The following MYO1D variants were observed in gnomAD, a reference collection of about 807,000 sequenced individuals.
MYO1D encodes the protein unconventional myosin-Id.
MYO1D carries 83 observed loss-of-function variants against 122.0 expected under a neutral mutation model. That is an observed-to-expected ratio of 0.68 (90% CI 0.57 to 0.82). MYO1D has a LOEUF of 0.82. MYO1D is among the 40% of genes least tolerant of loss of function. The pLI is 0.00. For synonymous variants in MYO1D, 464 were observed against 446.9 expected (o/e 1.04, Z -0.48); for missense variants, 1,157 against 1,269.5 (o/e 0.91, Z 1.35).
chr17:32,769,381 G>A (rs1016840967), intron 6 of MYO1D, among the ~76,000 whole-genome samples: 4 of 152,134 alleles, frequency 2.6e-5, no homozygotes, highest in Admixed American at 2.6e-4. Flanking sequence ...TTAAGGCAAT[G>A]AACTAACTAA....
At position 32,494,675 on chromosome 17, in the gene MYO1D, C is replaced by T. The variant is rs1050960876; in HGVS notation, c.*84G>A. On this transcript the variant is annotated 3_prime_UTR_variant, in exon 22 of 22. Coordinates refer to ENST00000318217, the MANE Select transcript of MYO1D (RefSeq NM_015194.3). ...AGGGGCCCTCGCAGCAGGTTTCTAGCGGGCATGGGTTGGGAGGCAGCAGCT... is the reference window on the plus strand; with the variant it reads ...AGGGGCCCTCGCAGCAGGTTTCTAGTGGGCATGGGTTGGGAGGCAGCAGCT... 7 of 1,430,090 alleles carry T rather than the reference C, an allele frequency of 4.9e-6. No homozygotes were observed. The highest frequency in any genetic ancestry group is 2.5e-5 in the East Asian group (1 of 39,782). 88.6% of individuals were successfully genotyped at this position (1,430,090 alleles called of 1,614,324 possible). A position where few individuals can be genotyped will look rare whatever the true frequency, so the allele number is the denominator to read the frequency against.
chr17:32,707,608 C>T (rs1035494048), intron 16 of MYO1D, among the ~76,000 whole-genome samples: 3 of 152,202 alleles, frequency 2.0e-5, no homozygotes, highest in African/African-American at 7.2e-5. Flanking sequence ...GACTACTATG[C>T]TTACAGTGGT....
intron 1 of MYO1D, among the ~76,000 whole-genome samples, chr17:32,875,780 T>C (rs192412603): frequency 2.0e-5 from 3 of 152,316 alleles, no homozygotes; most frequent in Admixed American, 2.0e-4. Flanking sequence ...TTTCACTTTA[T>C]AAGCTTAAGG....
intron 21 of MYO1D, among the ~76,000 whole-genome samples, chr17:32,582,181 C>T (rs1481786043): frequency 6.6e-6 from 1 of 152,164 alleles, no homozygotes; most frequent in Non-Finnish European, 1.5e-5. Flanking sequence ...TCCCAGATTG[C>T]TGGGATTACA....
At chr17:32,504,379 C>G (rs550994961) in intron 21 of MYO1D, among the ~76,000 whole-genome samples, 5 of 152,328 alleles carry the variant, frequency 3.3e-5, no homozygotes, top group Middle Eastern at 3.4e-3. Context: ...TCATGGAGCG[C>G]CCAGGGTGGA....
At chr17:32,534,166 AAATT>A (rs1417282408) in intron 21 of MYO1D, among the ~76,000 whole-genome samples, 2 of 152,158 alleles carry the variant, frequency 1.3e-5, no homozygotes, top group Non-Finnish European at 2.9e-5. Flanking sequence ...TACATTTTTA[AAATT>A]AATTAATTAA....
intron 21 of MYO1D, chr17:32,518,953 A>C (rs1170848950): frequency 1.3e-5 from 2 of 152,186 alleles, no homozygotes; most frequent in Non-Finnish European, 2.9e-5. Flanking sequence ...CGGGTAGGGG[A>C]TGTGCGCCCC....
chr17:32,563,514 G>A (rs2087146090), intron 21 of MYO1D, among the ~76,000 whole-genome samples: 1 of 152,170 alleles, frequency 6.6e-6, no homozygotes, highest in South Asian at 2.1e-4. Flanking sequence ...ACCGCACCCA[G>A]CCTGCAATTA....
chr17:32,738,136 A>T lies in MYO1D; in HGVS notation c.1746+117T>A. On this transcript the variant is annotated intron_variant, in intron 14 of 21. Transcript: ENST00000318217. ...AAAATTCTATTATAACATTCACTTT[A>T]TACATATTCTTCAATCTACATGATT... 5 of 877,670 alleles carry T rather than the reference A, an allele frequency of 5.7e-6. 1 individual carries two copies. In the South Asian group the frequency reaches 1.3e-4, roughly 23 times the overall value. The allele number at this position is 877,670 out of a possible 1,614,324, so 54.4% of individuals were successfully genotyped here. A position where few individuals can be genotyped will look rare whatever the true frequency, so the allele number is the denominator to read the frequency against.
intron 16 of MYO1D, among the ~76,000 whole-genome samples, chr17:32,682,788 G>A (rs1310477820): frequency 4.2e-5 from 5 of 119,816 alleles, no homozygotes; most frequent in Non-Finnish European, 5.1e-5. Context: ...GAATCTGAAC[G>A]TTGGCCTGCC....
At chr17:32,804,374 A>G (rs1598112447) in intron 1 of MYO1D, among the ~76,000 whole-genome samples, 1 of 152,226 alleles carries the variant, frequency 6.6e-6, no homozygotes, top group Non-Finnish European at 1.5e-5. Context: ...AACACTAACT[A>G]GTATGACTAG....
intron 1 of MYO1D, among the ~76,000 whole-genome samples, chr17:32,785,765 G>A (rs758454047): frequency 3.3e-5 from 5 of 152,048 alleles, no homozygotes; most frequent in Non-Finnish European, 5.9e-5. Flanking sequence ...TTCCTTCTCA[G>A]TCTCCTTTGC....
At chr17:32,557,187 C>T (rs1463419750) in intron 21 of MYO1D, among the ~76,000 whole-genome samples, 4 of 151,002 alleles carry the variant, frequency 2.6e-5, no homozygotes, top group East Asian at 3.9e-4. Context: ...GGCGTGATCT[C>T]GGCTCACTGC....
At chr17:32,832,231 T>C (rs2090777592) in intron 1 of MYO1D, among the ~76,000 whole-genome samples, 1 of 151,706 alleles carries the variant, frequency 6.6e-6, no homozygotes, top group Non-Finnish European at 1.5e-5. Context: ...CTCAGCTCCC[T>C]TGACTCCACT....
intron 17 of MYO1D, 70 bp from the exon 18 acceptor site, chr17:32,654,691 T>A: frequency 7.1e-7 from 1 of 1,410,676 alleles, no homozygotes; most frequent in Non-Finnish European, 9.4e-7. Flanking sequence ...TCTCTTTTTT[T>A]TTTTCTTTTT....
chr17:32,836,636 T>C (rs1001351422), intron 1 of MYO1D, among the ~76,000 whole-genome samples: 6 of 152,202 alleles, frequency 3.9e-5, no homozygotes, highest in African/African-American at 1.4e-4. Context: ...TTCATGTTGT[T>C]GTGTGTGTCA....
At chr17:32,821,806 G>A (rs2090668087) in intron 1 of MYO1D, among the ~76,000 whole-genome samples, 1 of 152,288 alleles carries the variant, frequency 6.6e-6, no homozygotes, top group Middle Eastern at 3.4e-3. Context: ...CATCCTTTGG[G>A]GGTGATGGTG....
intron 1 of MYO1D, among the ~76,000 whole-genome samples, chr17:32,861,591 C>T (rs2091077870): frequency 6.6e-6 from 1 of 152,068 alleles, no homozygotes. Context: ...ATTTTATGTC[C>T]CAAGACCCTT....
chr17:32,498,019 C>G (rs778956401), intron 21 of MYO1D: 10 of 152,396 alleles, frequency 6.6e-5, no homozygotes, highest in Non-Finnish European at 1.3e-4. Flanking sequence ...CGGCCCAGCC[C>G]CTGGGGCTTG....
Sources: allele counts gnomAD v4.1 joint callset (sites outside exome capture counted in the v4.1 genomes callset), GRCh38; gene constraint gnomAD v4.1.1; transcripts MANE v1.5; gene names NCBI Gene and HGNC (gene_info 2026-07-23, HGNC 2026-07-21).